The following EIF4B variants were observed in gnomAD, a reference collection of about 807,000 sequenced individuals.
The protein encoded by EIF4B is eukaryotic translation initiation factor 4B.
Under a neutral mutation model 79.3 loss-of-function variants are expected in EIF4B, and 8 were observed. That is an observed-to-expected ratio of 0.10 (90% confidence interval 0.06 to 0.18). The LOEUF is 0.18. Among genes scored for constraint, EIF4B ranks in the 10% least tolerant of loss-of-function variants. EIF4B has a pLI of 1.00. For missense variants in EIF4B, 515 were observed against 792.4 expected (o/e 0.65, Z 4.20); for synonymous variants, 238 against 274.7 (o/e 0.87, Z 1.32).
rs529578309 is a variant in EIF4B at position 53,039,516 on chromosome 12, CAAGG to C, written c.1683-112_1683-109del. The C allele has an allele frequency of 4.3e-4, 577 of 1,336,264 alleles. 3 individuals carry two copies. The African/African-American group carries it at 7.7e-3, about 18-fold the overall frequency. 82.8% of individuals were successfully genotyped at this position (1,336,264 alleles called of 1,614,324 possible). A position where few individuals can be genotyped will look rare whatever the true frequency, so the allele number is the denominator to read the frequency against. On this transcript the variant is annotated intron_variant, in intron 13 of 14. Transcript: ENST00000262056. ...TAGAAGTAATACATCATCCAGACAACAAGGACTGTTGACTAGAGGTGCCTGTTCA... is the reference window on the plus strand; with the variant it reads ...TAGAAGTAATACATCATCCAGACAACACTGTTGACTAGAGGTGCCTGTTCA...
In EIF4B at chr12:53,036,230, A is replaced by G. The variant is rs112890542; in HGVS notation, c.1307-1179A>G. On this transcript the variant is annotated intron_variant, in intron 10 of 14. Coordinates refer to ENST00000262056, the MANE Select transcript of EIF4B (RefSeq NM_001417.7). The stretch of plus-strand genomic sequence containing the variant: ...CGGGTTCAAGTGATTCTCCTGCCCA[A>G]GCCTCCCGAGTAGCTGGGATTACAG... Among the ~76,000 whole-genome samples, 992 of 152,138 alleles carry G rather than the reference A, an allele frequency of 6.5e-3. 12 individuals carry two copies. Among genetic ancestry groups the G allele is most frequent in the African/African-American group, 0.023 (947 of 41,486 alleles).
At chr12:53,009,793 CTT>C (rs992502246) in intron 1 of EIF4B, among the ~76,000 whole-genome samples, 12 of 152,162 alleles carry the variant, frequency 7.9e-5, no homozygotes, top group Non-Finnish European at 1.5e-4. Flanking sequence ...AATTAAAACT[CTT>C]TATGAAAGTT....
At chr12:53,024,139 G>A (rs1208141919) in intron 6 of EIF4B, among the ~76,000 whole-genome samples, 1 of 152,090 alleles carries the variant, frequency 6.6e-6, no homozygotes, top group Non-Finnish European at 1.5e-5. Flanking sequence ...AATATCATGG[G>A]GTAGGAGTAG....
At position 53,040,267 on chromosome 12, in the gene EIF4B, G is replaced by T. The variant is rs1409955362; in HGVS notation, c.*44G>T. Reference sequence around the variant, plus strand: ...TTTCTCCTAGTTTCTCTCCACCCTGGAACATTCGAGAGCAAATCAAAACCT... The same window carrying T: ...TTTCTCCTAGTTTCTCTCCACCCTGTAACATTCGAGAGCAAATCAAAACCT... On this transcript the variant is annotated 3_prime_UTR_variant, in exon 15 of 15. Coordinates refer to ENST00000262056, the MANE Select transcript of EIF4B (RefSeq NM_001417.7). 6.6e-7 allele frequency: 1 copy of T among 1,522,920 alleles called. No individual in the cohort carries two copies. The highest frequency in any genetic ancestry group is 2.3e-5 in the East Asian group (1 of 44,330). The allele number at this position is 1,522,920 out of a possible 1,614,324, so 94.3% of individuals were successfully genotyped here. A position where few individuals can be genotyped will look rare whatever the true frequency, so the allele number is the denominator to read the frequency against.
chr12:53,013,133 C>CG (rs1163903240), intron 1 of EIF4B, among the ~76,000 whole-genome samples: 1 of 152,120 alleles, frequency 6.6e-6, no homozygotes, highest in Non-Finnish European at 1.5e-5. Context: ...TAAGCCAAAT[C>CG]GGACTAAAGG....
At chr12:53,014,126 CAAAAAAA>C (rs1404230222) in intron 1 of EIF4B, among the ~76,000 whole-genome samples, 5 of 150,864 alleles carry the variant, frequency 3.3e-5, no homozygotes, top group African/African-American at 9.7e-5. Flanking sequence ...TGCACCACTG[CAAAAAAA>C]GAAAAAAGAA....
intron 2 of EIF4B, among the ~76,000 whole-genome samples, chr12:53,017,768 T>C (rs1943172193): frequency 6.6e-6 from 1 of 152,124 alleles, no homozygotes; most frequent in Non-Finnish European, 1.5e-5. Flanking sequence ...AAATTTTGTA[T>C]TTTTAGTAGA....
chr12:53,006,556 T>C (rs964515650), intron 1 of EIF4B, 60 bp downstream of exon 1: 2 of 1,611,896 alleles, frequency 1.2e-6, no homozygotes, highest in South Asian at 2.2e-5. Context: ...CCGAGCGTGA[T>C]CCACTGATTT....
intron 8 of EIF4B, among the ~76,000 whole-genome samples, chr12:53,029,187 G>C (rs1943391580): frequency 6.6e-6 from 1 of 151,836 alleles, no homozygotes; most frequent in Non-Finnish European, 1.5e-5. Flanking sequence ...AATTATAAAG[G>C]TGAGATTTTG....
chr12:53,023,198 G>C (rs573551593), intron 6 of EIF4B, among the ~76,000 whole-genome samples: 15 of 152,242 alleles, frequency 9.9e-5, no homozygotes, highest in African/African-American at 3.6e-4. Flanking sequence ...GCTGAGTGAA[G>C]AGCAGCATAC....
chr12:53,025,072 G>A (rs371650783), intron 6 of EIF4B, among the ~76,000 whole-genome samples: 255 of 152,292 alleles, frequency 1.7e-3, no homozygotes, highest in African/African-American at 5.7e-3. Context: ...TTAAGATGTA[G>A]AAGGAAGAAG....
At chr12:53,023,022 CGTG>C (rs958061033) in intron 6 of EIF4B, among the ~76,000 whole-genome samples, 6 of 152,072 alleles carry the variant, frequency 3.9e-5, no homozygotes, top group South Asian at 2.1e-4. Context: ...AAAAAGCTGA[CGTG>C]GTGGTACGCA....
intron 8 of EIF4B, among the ~76,000 whole-genome samples, chr12:53,030,462 C>G (rs1943420352): frequency 1.5e-5 from 1 of 66,870 alleles, no homozygotes; most frequent in Non-Finnish European, 3.6e-5. Context: ...TCTCTAGTTG[C>G]CCAGGCTAGA....
Position 53,021,850 on chromosome 12 carries a change from A to G in EIF4B, c.522A>G (p.Ala174=). The change falls in exon 5 of 15, where the codon GCA becomes GCG. Residue 174 remains alanine (A), a synonymous_variant. Transcript: ENST00000262056. ...TTCGAGTGGACGTTGCTGATCAAGC[A>G]CAGGATAAAGGTAAGGAAACTGGTA... is the stretch of plus-strand genomic sequence containing the variant. ...RRIRVDVADQ[A]QDKDRDDRSF... is the part of the protein sequence containing the mutation. The G allele has an allele frequency of 1.2e-6, 2 of 1,614,240 alleles. No homozygotes were observed. Among genetic ancestry groups the G allele is most frequent in the Non-Finnish European group, 1.7e-6 (2 of 1,180,040 alleles).
At chr12:53,013,049 C>T (rs547030266) in intron 1 of EIF4B, among the ~76,000 whole-genome samples, 38 of 152,152 alleles carry the variant, frequency 2.5e-4, no homozygotes, top group African/African-American at 8.0e-4. Context: ...TTTCAAATAA[C>T]GTTAAAGAAG....
Position 53,040,202 on chromosome 12 carries a change from G to A in EIF4B, c.1815G>A (p.Glu605=). 1 of 1,614,016 alleles carries A rather than the reference G, an allele frequency of 6.2e-7. No individual in the cohort carries two copies. The highest frequency in any genetic ancestry group is 8.5e-7 in the Non-Finnish European group (1 of 1,179,956). ...ALSVDGEDEN[E]GEDYAE is the part of the protein sequence containing the mutation. ...CTGTTGATGGTGAAGATGAAAATGA[G>A]GGAGAAGATTATGCCGAATAGACCT... Residue 605 remains glutamate, a synonymous_variant, in exon 15 of 15, where the codon GAG becomes GAA. Coordinates refer to ENST00000262056, the MANE Select transcript of EIF4B (RefSeq NM_001417.7).
intron 1 of EIF4B, chr12:53,013,920 G>A (rs1592214560): frequency 6.6e-6 from 1 of 152,332 alleles, no homozygotes; most frequent in East Asian, 1.9e-4. Context: ...CAGCACTTTG[G>A]AAGGCTGAGA....
Position 53,037,818 on chromosome 12 carries a change from T to G in EIF4B, c.1520+196T>G, listed in dbSNP as rs577264197. The stretch of plus-strand genomic sequence containing the variant: ...TCTGGAGTTCCACCACTTTGATAGC[T>G]TGAAATCAGCTATGATGGGAGTACT... On this transcript the variant is annotated intron_variant, in intron 11 of 14. Coordinates refer to ENST00000262056, the MANE Select transcript of EIF4B (RefSeq NM_001417.7). 15 of 630,880 alleles carry G rather than the reference T, an allele frequency of 2.4e-5. No individual in the cohort carries two copies. In the African/African-American group the frequency reaches 2.8e-4, roughly 12 times the overall value. 39.1% of individuals were successfully genotyped at this position (630,880 alleles called of 1,614,324 possible).
At chr12:53,032,993 CTATTTTTATTTTTATT>C (rs1356978979) in intron 8 of EIF4B, among the ~76,000 whole-genome samples, 1 of 150,938 alleles carries the variant, frequency 6.6e-6, no homozygotes, top group African/African-American at 2.4e-5. Context: ...TTTATGCCAC[CTATTTTTATTTTTATT>C]TATTTTTATT....
Sources: gnomAD v4.1 joint callset for allele counts (sites outside exome capture counted in the v4.1 genomes callset) on GRCh38, gnomAD v4.1.1 for gene constraint, MANE v1.5 for transcripts, NCBI Gene and HGNC (gene_info 2026-07-23, HGNC 2026-07-21) for gene names.